Variants in CNTLN observed in about 807,000 individuals in gnomAD.
CNTLN encodes the protein centlein.
In CNTLN, 212 loss-of-function variants were observed where a neutral mutation model predicts 180.0. That is an observed-to-expected ratio of 1.18 (90% CI 1.05 to 1.32). CNTLN has a LOEUF of 1.32. Among genes scored for constraint, CNTLN ranks in the 40% most tolerant of loss-of-function variants. The pLI is 0.00. For missense variants in CNTLN, 2,095 were observed against 1,610.9 expected, an observed-to-expected ratio of 1.30 and a Z score of -5.14; for synonymous variants, 722 against 563.1, an observed-to-expected ratio of 1.28 and a Z score of -3.99.
intron 8 of CNTLN, among the ~76,000 whole-genome samples, chr9:17,309,595 A>C (rs1257180250): frequency 6.9e-6 from 1 of 145,418 alleles, no homozygotes; most frequent in Non-Finnish European, 1.5e-5. Flanking sequence ...TATCTAACTA[A>C]GTTTCATAAA....
chr9:17,488,876 C>T (rs897102608), intron 25 of CNTLN, among the ~76,000 whole-genome samples: 1 of 152,108 alleles, frequency 6.6e-6, no homozygotes, highest in Non-Finnish European at 1.5e-5. Context: ...TTTATGAACA[C>T]TGGGAAACCG....
chr9:17,197,067 G>C (rs1441833529), intron 2 of CNTLN, among the ~76,000 whole-genome samples: 1 of 151,856 alleles, frequency 6.6e-6, no homozygotes, highest in African/African-American at 2.4e-5. Flanking sequence ...TTAATTTTTA[G>C]CTCCCCTAAA....
chr9:17,154,565 G>A (rs1238507024), intron 2 of CNTLN, among the ~76,000 whole-genome samples: 1 of 152,224 alleles, frequency 6.6e-6, no homozygotes, highest in Non-Finnish European at 1.5e-5. Flanking sequence ...TCCTGTATGA[G>A]GTGTCTGTTG....
chr9:17,527,459 A>G, the CNTLN span, among the ~76,000 whole-genome samples: 1 of 152,206 alleles, frequency 6.6e-6, no homozygotes, highest in South Asian at 2.1e-4. Flanking sequence ...GTTGTTTCCC[A>G]TGGAGTACAC....
rs1820587918 is a variant in CNTLN, at chr9:17,330,718, G to A, written c.1428G>A (p.Lys476=). ...TTGAGTATTTACAGGAGAAACTAAA[G>A]ATAGCAAATGAAAAACTGTCAGAAA... The part of the protein sequence containing the change: ...SEIEYLQEKL[K]IANEKLSENI... The change falls in exon 9 of 26, where the codon AAG becomes AAA. Residue 476 remains lysine (K), a synonymous_variant. Transcript: ENST00000380647. 2 of 1,612,004 alleles carry A rather than the reference G, an allele frequency of 1.2e-6. No individual in the cohort carries two copies. The highest frequency in any genetic ancestry group is 1.1e-5 in the South Asian group (1 of 90,876).
intron 13 of CNTLN, among the ~76,000 whole-genome samples, chr9:17,379,842 C>T (rs930934524): frequency 6.6e-6 from 1 of 152,112 alleles, no homozygotes; most frequent in Non-Finnish European, 1.5e-5. Flanking sequence ...TGCCTTTTCC[C>T]TCAAATGAAT....
chr9:17,261,518 A>G (rs1280588174), intron 5 of CNTLN, among the ~76,000 whole-genome samples: 1 of 151,338 alleles, frequency 6.6e-6, no homozygotes, highest in Non-Finnish European at 1.5e-5. Flanking sequence ...TTGTGCATTG[A>G]TTTTTGTATC....
chr9:17,194,011 G>C (rs756335196), intron 2 of CNTLN, among the ~76,000 whole-genome samples: 3 of 152,174 alleles, frequency 2.0e-5, no homozygotes, highest in Non-Finnish European at 4.4e-5. Flanking sequence ...CAAACTTTAC[G>C]TTGACTCCTT....
At chr9:17,227,882 A>T (rs1381989080) in intron 3 of CNTLN, among the ~76,000 whole-genome samples, 3 of 152,102 alleles carry the variant, frequency 2.0e-5, no homozygotes, top group Non-Finnish European at 2.9e-5. Context: ...ATCAAACAAC[A>T]TTAAAATGTA....
chr9:17,391,222 C>T (rs1335903135), intron 14 of CNTLN, among the ~76,000 whole-genome samples: 1 of 152,138 alleles, frequency 6.6e-6, no homozygotes, highest in Non-Finnish European at 1.5e-5. Context: ...TTCTTCTTGC[C>T]CTCTGTGTAG....
chr9:17,505,581 C>T (rs1448273706), downstream of CNTLN, among the ~76,000 whole-genome samples: 2 of 152,032 alleles, frequency 1.3e-5, no homozygotes, highest in African/African-American at 4.8e-5. Context: ...ACCTGCAAAA[C>T]ATGCATAGTA....
At chr9:17,297,719 G>A (rs987031376) in intron 6 of CNTLN, among the ~76,000 whole-genome samples, 1 of 152,152 alleles carries the variant, frequency 6.6e-6, no homozygotes, top group African/African-American at 2.4e-5. Context: ...AACTAGAATT[G>A]GCAGTTGTGC....
chr9:17,412,252 A>C (rs1482358593), intron 16 of CNTLN, among the ~76,000 whole-genome samples: 1 of 152,222 alleles, frequency 6.6e-6, no homozygotes, highest in Non-Finnish European at 1.5e-5. Context: ...GTGTGGTGTC[A>C]GATGAGTCCC....
chr9:17,147,676 T>C (rs1394194408), intron 2 of CNTLN, among the ~76,000 whole-genome samples: 1 of 152,168 alleles, frequency 6.6e-6, no homozygotes, highest in Non-Finnish European at 1.5e-5. Context: ...TGACTTGGGA[T>C]TGTCAGTGTT....
intron 2 of CNTLN, among the ~76,000 whole-genome samples, chr9:17,181,717 G>A (rs976768573): frequency 3.3e-5 from 5 of 152,120 alleles, no homozygotes; most frequent in East Asian, 3.9e-4. Context: ...ATTTACTGCC[G>A]GAAGAGTTTA....
At chr9:17,527,317 CT>C in the CNTLN span, among the ~76,000 whole-genome samples, 1 of 152,174 alleles carries the variant, frequency 6.6e-6, no homozygotes, top group African/African-American at 2.4e-5. Context: ...AGCCTTTCTA[CT>C]GATTTGATTA....
chr9:17,329,361 G>A lies in CNTLN; in HGVS notation c.1342-1271G>A, dbSNP rs546505499. Reference sequence around the variant, plus strand: ...AGATAAAAAATAAAAGTTGTACAACGATTAAAATGGGGATAAAAGAATAGG... The same window carrying A: ...AGATAAAAAATAAAAGTTGTACAACAATTAAAATGGGGATAAAAGAATAGG... On this transcript the variant is annotated intron_variant, in intron 8 of 25. Transcript: ENST00000380647. Among the ~76,000 whole-genome samples, 9 of 152,116 alleles carry A rather than the reference G, an allele frequency of 5.9e-5. No homozygotes were observed. The South Asian group carries it at 1.7e-3, about 28-fold the overall frequency.
intron 2 of CNTLN, chr9:17,167,877 A>G (rs1820183587): frequency 6.6e-6 from 1 of 152,182 alleles, no homozygotes; most frequent in Non-Finnish European, 1.5e-5. Context: ...GTCAGACGGC[A>G]CAGCCCCCAG....
intron 2 of CNTLN, among the ~76,000 whole-genome samples, chr9:17,165,569 T>TA (rs1820013792): frequency 6.6e-6 from 1 of 151,674 alleles, no homozygotes; most frequent in Non-Finnish European, 1.5e-5. Context: ...AAAATTGAAT[T>TA]AAAGTCTATA....
Sources: gnomAD v4.1 joint callset for allele counts (sites outside exome capture counted in the v4.1 genomes callset) on GRCh38, gnomAD v4.1.1 for gene constraint, MANE v1.5 for transcripts, NCBI Gene and HGNC (gene_info 2026-07-23, HGNC 2026-07-21) for gene names.